The following NRG3 variants were observed in gnomAD, a reference collection of about 807,000 sequenced individuals.
The protein encoded by NRG3 is neuregulin 3, also known as pro-neuregulin-3, membrane-bound isoform.
NRG3 carries 31 observed loss-of-function variants against 66.9 expected under a neutral mutation model. That is an observed-to-expected ratio of 0.46 (90% CI 0.35 to 0.63). The LOEUF (loss-of-function observed/expected upper bound fraction) is 0.63, where lower values mean the gene tolerates loss of function less well. Ranked by LOEUF, NRG3 falls within the 20% of genes least tolerant of loss-of-function variation. The pLI is 0.00. For synonymous variants in NRG3, 393 were observed against 359.4 expected, an observed-to-expected ratio of 1.09 and a Z score of -1.06; for missense variants, 910 against 878.9, an observed-to-expected ratio of 1.04 and a Z score of -0.45.
At chr10:82,842,816 C>T (rs342381) in intron 3 of NRG3, among the ~76,000 whole-genome samples, 45,220 of 142,282 alleles carry the variant, frequency 0.32, 6,858 homozygotes, top group African/African-American at 0.38. Flanking sequence ...AAACTTCTGG[C>T]CTCAAGTGAT....
intron 1 of NRG3, among the ~76,000 whole-genome samples, chr10:82,081,158 A>G (rs1415402552): frequency 6.6e-6 from 1 of 152,202 alleles, no homozygotes; most frequent in Non-Finnish European, 1.5e-5. Flanking sequence ...TGAATATTTG[A>G]TGATCTGACA....
At chr10:82,842,639 C>T (rs1360356750) in intron 3 of NRG3, among the ~76,000 whole-genome samples, 5 of 152,126 alleles carry the variant, frequency 3.3e-5, no homozygotes, top group Non-Finnish European at 7.3e-5. Flanking sequence ...TACAGTAGTT[C>T]CTGCTAATTC....
intron 3 of NRG3, among the ~76,000 whole-genome samples, chr10:82,865,096 A>G (rs1180917026): frequency 6.6e-6 from 1 of 152,190 alleles, no homozygotes; most frequent in African/African-American, 2.4e-5. Context: ...CCAGATGTTC[A>G]TGGTATAACA....
At chr10:82,496,081 C>T (rs1392669956) in intron 2 of NRG3, among the ~76,000 whole-genome samples, 1 of 152,056 alleles carries the variant, frequency 6.6e-6, no homozygotes, top group African/African-American at 2.4e-5. Flanking sequence ...CCCTCCTGCA[C>T]AAAATGTTGG....
intron 1 of NRG3, among the ~76,000 whole-genome samples, chr10:81,898,275 C>A (rs1843704774): frequency 6.6e-6 from 1 of 152,176 alleles, no homozygotes; most frequent in Non-Finnish European, 1.5e-5. Context: ...CAGCAAGAGC[C>A]TTTATTCATT....
At chr10:82,650,742 AT>A (rs2051347016) in intron 2 of NRG3, among the ~76,000 whole-genome samples, 1 of 152,246 alleles carries the variant, frequency 6.6e-6, no homozygotes, top group South Asian at 2.1e-4. Flanking sequence ...GAACTTCCAC[AT>A]CATCACGTAA....
intron 1 of NRG3, among the ~76,000 whole-genome samples, chr10:82,156,226 T>C (rs951985805): frequency 6.6e-6 from 1 of 151,556 alleles, no homozygotes; most frequent in African/African-American, 2.4e-5. Flanking sequence ...CAATCTACAC[T>C]TACATAGATT....
chr10:81,934,441 G>A (rs1350853860), intron 1 of NRG3, among the ~76,000 whole-genome samples: 5 of 152,092 alleles, frequency 3.3e-5, no homozygotes, highest in East Asian at 1.9e-4. Context: ...CACTCCCTCC[G>A]TGGTAATTGC....
At chr10:82,756,161 A>G (rs1417116709) in intron 3 of NRG3, among the ~76,000 whole-genome samples, 1 of 152,032 alleles carries the variant, frequency 6.6e-6, no homozygotes, top group Non-Finnish European at 1.5e-5. Flanking sequence ...AATCCAAGCA[A>G]CCTGGTACCT....
intron 1 of NRG3, among the ~76,000 whole-genome samples, chr10:82,157,036 T>A (rs1041966082): frequency 1.3e-5 from 2 of 151,636 alleles, no homozygotes; most frequent in Admixed American, 1.3e-4. Context: ...GATTAAATGG[T>A]CATTATGAAG....
chr10:81,879,258 C>T (rs566495779), intron 1 of NRG3, among the ~76,000 whole-genome samples: 1 of 152,300 alleles, frequency 6.6e-6, no homozygotes, highest in African/African-American at 2.4e-5. Flanking sequence ...TCACCAGAAA[C>T]ATCTTTGAAG....
intron 2 of NRG3, among the ~76,000 whole-genome samples, chr10:82,548,418 T>C (rs917391262): frequency 1.3e-5 from 2 of 151,906 alleles, no homozygotes; most frequent in Non-Finnish European, 1.5e-5. Context: ...AATTGACTGA[T>C]CTATCTCATT....
intron 1 of NRG3, among the ~76,000 whole-genome samples, chr10:82,245,991 T>TTG (rs1410487229): frequency 2.0e-5 from 3 of 150,746 alleles, no homozygotes; most frequent in African/African-American, 4.9e-5. Flanking sequence ...TTTTTTTTTT[T>TTG]TTTTTTTTTT....
At chr10:82,964,415 G>A (rs1001221901) in intron 6 of NRG3, among the ~76,000 whole-genome samples, 4 of 152,176 alleles carry the variant, frequency 2.6e-5, no homozygotes, top group African/African-American at 7.2e-5. Context: ...TGGTGAAGTG[G>A]TAATTTGCTG....
intron 1 of NRG3, among the ~76,000 whole-genome samples, chr10:82,189,729 G>A (rs1279294050): frequency 1.3e-5 from 2 of 152,080 alleles, no homozygotes; most frequent in Non-Finnish European, 2.9e-5. Flanking sequence ...GGTGGAGGTT[G>A]CAGTGAGCCG....
chr10:82,547,273 CTTCA>C (rs1212733637), intron 2 of NRG3, among the ~76,000 whole-genome samples: 3 of 151,662 alleles, frequency 2.0e-5, no homozygotes, highest in Non-Finnish European at 2.9e-5. Flanking sequence ...AATGGTCTAA[CTTCA>C]TTCATTTTCA....
intron 1 of NRG3, among the ~76,000 whole-genome samples, chr10:81,901,089 T>C (rs1844025922): frequency 6.6e-6 from 1 of 152,158 alleles, no homozygotes; most frequent in Non-Finnish European, 1.5e-5. Flanking sequence ...GAGCTCCAGA[T>C]AGAAATCCAA....
At chr10:82,848,084 G>T (rs2063390330) in intron 3 of NRG3, among the ~76,000 whole-genome samples, 1 of 152,112 alleles carries the variant, frequency 6.6e-6, no homozygotes. Context: ...TGGATAAATT[G>T]GCCTTTGCTG....
At chr10:81,881,311 T>C (rs1441967152) in intron 1 of NRG3, among the ~76,000 whole-genome samples, 3 of 152,098 alleles carry the variant, frequency 2.0e-5, no homozygotes, top group Non-Finnish European at 4.4e-5. Context: ...AGTTAATCTT[T>C]TGGGTAAGTT....
Sources: gnomAD v4.1 joint callset for allele counts (sites outside exome capture counted in the v4.1 genomes callset) on GRCh38, gnomAD v4.1.1 for gene constraint, MANE v1.5 for transcripts, NCBI Gene and HGNC (gene_info 2026-07-23, HGNC 2026-07-21) for gene names.